EMID1: variants seen among roughly 807,000 people sequenced by gnomAD.
EMID1 encodes the protein EMI domain-containing protein 1.
Under a neutral mutation model 60.6 loss-of-function variants are expected in EMID1, and 40 were observed. The observed-to-expected ratio is 0.66, with a 90% CI of 0.51 to 0.86. The LOEUF (loss-of-function observed/expected upper bound fraction) is 0.86. Ranked by LOEUF, EMID1 falls within the 40% of genes least tolerant of loss-of-function variation. The pLI is 0.00. For missense variants in EMID1, 585 were observed against 597.1 expected (o/e 0.98, Z 0.21); for synonymous variants, 242 against 231.0 (o/e 1.05, Z -0.43).
In EMID1 at chr22:29,239,090, G is replaced by A. The variant is rs1297385167; in HGVS notation, c.1075-4355G>A. 2.8e-5 allele frequency among the ~76,000 whole-genome samples: 4 copies of A among 143,348 alleles called. 1 individual carries two copies. Among genetic ancestry groups the A allele is most frequent in the African/African-American group, 1.1e-4 (4 of 36,052 alleles). The allele number at this position is 143,348 out of a possible 152,430, so 94.0% of individuals were successfully genotyped here. ...TTGTCCCACAATTCTTGGATATTCT[G>A]TTCTATTCTTTCAGCCTTTTTTCTC... is the stretch of plus-strand genomic sequence containing the variant. On this transcript the variant is annotated intron_variant, in intron 12 of 14. Transcript: ENST00000334018.
At chr22:29,211,903 G>A (rs956977464) in intron 1 of EMID1, among the ~76,000 whole-genome samples, 1 of 152,146 alleles carries the variant, frequency 6.6e-6, no homozygotes, top group African/African-American at 2.4e-5. Context: ...TTTCTGGAGA[G>A]GAGCCACGAT....
chr22:29,233,848 T>C (rs1443093809), intron 10 of EMID1, 182 bp downstream of exon 10: 3 of 696,816 alleles, frequency 4.3e-6, no homozygotes, highest in Non-Finnish European at 7.1e-6. Flanking sequence ...CTTCCATAAA[T>C]CTTATTCAAT....
chr22:29,222,352 C>T lies in EMID1; in HGVS notation c.320-2781C>T, dbSNP rs548293679. 7.9e-5 allele frequency among the ~76,000 whole-genome samples: 12 copies of T among 151,956 alleles called. No homozygotes were observed. The East Asian group carries it at 1.9e-3, about 24-fold the overall frequency. ...CAAGCAATCTGCCCACTTCAGCCTC[C>T]CAAAGTGCTAGGATTACAGGTGTGA... On this transcript the variant is annotated intron_variant, in intron 3 of 14. Coordinates refer to ENST00000334018, the MANE Select transcript of EMID1 (RefSeq NM_133455.4).
intron 1 of EMID1, among the ~76,000 whole-genome samples, chr22:29,214,555 C>T (rs889740069): frequency 6.6e-6 from 1 of 152,166 alleles, no homozygotes; most frequent in Non-Finnish European, 1.5e-5. Flanking sequence ...AGGCCACTCA[C>T]TGTAGTTGTC....
At chr22:29,215,373 G>A in intron 2 of EMID1, 154 bp from the exon 3 acceptor site, 1 of 841,628 alleles carries the variant, frequency 1.2e-6, no homozygotes, top group Non-Finnish European at 1.4e-6. Context: ...GGGATGGAAG[G>A]GCTGAATCCC....
chr22:29,232,527 C>A (rs1601975012), intron 8 of EMID1, 125 bp downstream of exon 8: 1 of 1,106,344 alleles, frequency 9.0e-7, no homozygotes, highest in Non-Finnish European at 1.3e-6. Context: ...ACATGTGACC[C>A]AGTCCTCCAG....
chr22:29,257,243 C>A (rs1244819600), intron 14 of EMID1, among the ~76,000 whole-genome samples: 2 of 152,140 alleles, frequency 1.3e-5, no homozygotes, highest in African/African-American at 2.4e-5. Flanking sequence ...GGAGGTGGGA[C>A]CCTCCCCATT....
At chr22:29,217,296 G>A (rs1400821410) in intron 3 of EMID1, among the ~76,000 whole-genome samples, 2 of 152,242 alleles carry the variant, frequency 1.3e-5, no homozygotes, top group African/African-American at 2.4e-5. Flanking sequence ...CAAGGGCTGG[G>A]GGCTCTGCTG....
chr22:29,240,566 CG>C (rs2041116712), intron 12 of EMID1, among the ~76,000 whole-genome samples: 1 of 152,198 alleles, frequency 6.6e-6, no homozygotes, highest in South Asian at 2.1e-4. Context: ...TAAAACCCCT[CG>C]TGGCCTCTGG....
chr22:29,255,223 C>T, intron 14 of EMID1: 1 of 1,263,560 alleles, frequency 7.9e-7, no homozygotes, highest in Non-Finnish European at 1.0e-6. Flanking sequence ...CCAGCCCAGC[C>T]CTCGGAGGCC....
chr22:29,239,513 G>A (rs2041079447), intron 12 of EMID1, among the ~76,000 whole-genome samples: 1 of 152,120 alleles, frequency 6.6e-6, no homozygotes, highest in South Asian at 2.1e-4. Context: ...CCCTTAGCAT[G>A]TTAATTGTAG....
At chr22:29,250,560 T>C (rs2041485823) in intron 13 of EMID1, among the ~76,000 whole-genome samples, 1 of 92,524 alleles carries the variant, frequency 1.1e-5, no homozygotes. Context: ...TTTTATTTTA[T>C]CTTTTTTTTT....
At chr22:29,216,559 T>C in intron 3 of EMID1, 2 of 985,448 alleles carry the variant, frequency 2.0e-6, no homozygotes, top group Non-Finnish European at 2.4e-6. Flanking sequence ...TATACCCCAA[T>C]TCCGGAAACA....
At chr22:29,215,115 G>C in intron 2 of EMID1, 76 bp downstream of exon 2, 1 of 1,460,252 alleles carries the variant, frequency 6.8e-7, no homozygotes, top group Non-Finnish European at 9.1e-7. Context: ...TTGGGGGACT[G>C]CATGGGGAGT....
Position 29,234,125 on chromosome 22 carries a change from C to A in EMID1, c.967-12C>A, listed in dbSNP as rs1236284708. 1.3e-6 allele frequency: 2 copies of A among 1,576,680 alleles called. No homozygotes were observed. Among genetic ancestry groups the A allele is most frequent in the African/African-American group, 2.7e-5 (2 of 74,188 alleles). On this transcript the variant is annotated splice_polypyrimidine_tract_variant and intron_variant, in intron 10 of 14. Coordinates refer to ENST00000334018, the MANE Select transcript of EMID1 (RefSeq NM_133455.4). The stretch of plus-strand genomic sequence containing the variant: ...CCCCAACACAAGGCTGAGGCCCTGT[C>A]TTGTTGCTCAGGGACCCCCAGGCCC...
chr22:29,223,197 G>A (rs2040364127), intron 3 of EMID1, among the ~76,000 whole-genome samples: 1 of 152,248 alleles, frequency 6.6e-6, no homozygotes, highest in South Asian at 2.1e-4. Flanking sequence ...TAGTGGGGCT[G>A]ATGTTCCAGC....
intron 1 of EMID1, among the ~76,000 whole-genome samples, chr22:29,212,556 A>G (rs2039930709): frequency 6.9e-6 from 1 of 144,258 alleles, no homozygotes; most frequent in Admixed American, 6.9e-5. Context: ...CAGTCTTCCC[A>G]TCTGTAATGT....
intron 3 of EMID1, 56 bp downstream of exon 3, chr22:29,215,686 T>G: frequency 1.5e-6 from 2 of 1,376,938 alleles, no homozygotes; most frequent in Non-Finnish European, 2.1e-6. Context: ...GGTGCCTCCC[T>G]GCAGGTGCAT....
At chr22:29,223,333 G>C (rs1031565507) in intron 3 of EMID1, among the ~76,000 whole-genome samples, 17 of 152,338 alleles carry the variant, frequency 1.1e-4, no homozygotes, top group African/African-American at 3.8e-4. Context: ...AGAAGCAGGT[G>C]GGGGGAGCAG....
Sources: gnomAD v4.1 joint callset for allele counts (sites outside exome capture counted in the v4.1 genomes callset) on GRCh38, gnomAD v4.1.1 for gene constraint, MANE v1.5 for transcripts, NCBI Gene and HGNC (gene_info 2026-07-23, HGNC 2026-07-21) for gene names.